The following TRAPPC12 variants were observed in gnomAD, a reference collection of about 807,000 sequenced individuals.
The protein encoded by TRAPPC12 is trafficking protein particle complex subunit 12.
TRAPPC12 carries 61 observed loss-of-function variants against 69.2 expected under a neutral mutation model. The observed-to-expected ratio is 0.88, with a 90% CI of 0.72 to 1.09. The LOEUF is 1.09. TRAPPC12 is among the 50% of genes least tolerant of loss of function. TRAPPC12 has a pLI of 0.00. For synonymous variants in TRAPPC12, 469 were observed against 438.9 expected (o/e 1.07, Z -0.86); for missense variants, 1,101 against 1,016.4 (o/e 1.08, Z -1.13).
intron 4 of TRAPPC12, 103 bp downstream of exon 4, chr2:3,422,097 C>T: frequency 1.2e-6 from 1 of 841,962 alleles, no homozygotes; most frequent in Non-Finnish European, 1.9e-6. Flanking sequence ...AGTATGTTTT[C>T]ATATCCTGCT....
chr2:3,469,099 T>C (rs570753515), intron 9 of TRAPPC12, among the ~76,000 whole-genome samples: 2 of 152,332 alleles, frequency 1.3e-5, no homozygotes, highest in East Asian at 3.9e-4. Context: ...ACTCAGAGTG[T>C]TCAGCCACGG....
At chr2:3,461,960 G>A (rs1362803850) in intron 8 of TRAPPC12, among the ~76,000 whole-genome samples, 2 of 152,228 alleles carry the variant, frequency 1.3e-5, no homozygotes, top group Non-Finnish European at 2.9e-5. Context: ...CCCCCACCTG[G>A]CGGTCTGGGC....
intron 10 of TRAPPC12, 134 bp from the exon 11 acceptor site, chr2:3,478,712 T>TG: frequency 1.5e-6 from 1 of 677,460 alleles, no homozygotes; most frequent in South Asian, 1.8e-5. Flanking sequence ...CGCCTCTACC[T>TG]GGAGATCAGG....
At chr2:3,465,196 G>T (rs1183826159) in intron 8 of TRAPPC12, among the ~76,000 whole-genome samples, 4 of 152,242 alleles carry the variant, frequency 2.6e-5, no homozygotes, top group Non-Finnish European at 4.4e-5. Context: ...TTTGGCCTAT[G>T]TATTTGGAGG....
At chr2:3,466,007 C>G (rs966631595) in intron 9 of TRAPPC12, among the ~76,000 whole-genome samples, 3 of 152,244 alleles carry the variant, frequency 2.0e-5, no homozygotes, top group Non-Finnish European at 4.4e-5. Context: ...CGTGAGGAAT[C>G]TCAGTTCAGC....
intron 5 of TRAPPC12, among the ~76,000 whole-genome samples, chr2:3,427,201 C>T (rs2103066001): frequency 6.6e-6 from 1 of 152,326 alleles, no homozygotes; most frequent in East Asian, 1.9e-4. Flanking sequence ...ATAAATAAAA[C>T]CATCTCTTCC....
At chr2:3,470,081 C>T (rs911870371) in intron 9 of TRAPPC12, among the ~76,000 whole-genome samples, 2 of 152,102 alleles carry the variant, frequency 1.3e-5, no homozygotes, top group Non-Finnish European at 2.9e-5. Flanking sequence ...TGCTGAGTCT[C>T]GGGGAGAAAG....
chr2:3,452,024 A>G (rs1234892005), intron 6 of TRAPPC12, among the ~76,000 whole-genome samples: 1 of 152,006 alleles, frequency 6.6e-6, no homozygotes, highest in African/African-American at 2.4e-5. Context: ...TGACCTTCCT[A>G]TTTCTGTGGG....
intron 1 of TRAPPC12, among the ~76,000 whole-genome samples, chr2:3,380,355 A>G (rs1660150501): frequency 6.6e-6 from 1 of 152,242 alleles, no homozygotes; most frequent in Non-Finnish European, 1.5e-5. Context: ...GTGTAAAAGC[A>G]TTTGAGTCAC....
intron 3 of TRAPPC12, among the ~76,000 whole-genome samples, chr2:3,409,065 G>A (rs1661891566): frequency 6.6e-6 from 1 of 152,184 alleles, no homozygotes. Context: ...CAGCTGTCTT[G>A]CAGCCCAGTC....
At chr2:3,478,784 G>A in intron 10 of TRAPPC12, 62 bp from the exon 11 acceptor site, 2 of 1,459,266 alleles carry the variant, frequency 1.4e-6, no homozygotes, top group Non-Finnish European at 1.9e-6. Context: ...CCTGTGGGTT[G>A]TGTTGGGGGA....
chr2:3,468,529 C>T (rs970205771), intron 9 of TRAPPC12, among the ~76,000 whole-genome samples: 12 of 152,128 alleles, frequency 7.9e-5, no homozygotes, highest in African/African-American at 1.9e-4. Context: ...ATGCCAGGAG[C>T]GCTGTAAGCG....
intron 3 of TRAPPC12, among the ~76,000 whole-genome samples, chr2:3,418,913 ACCCCATCCTCACCTGCTT>A (rs1662605868): frequency 6.6e-6 from 1 of 151,780 alleles, no homozygotes; most frequent in Admixed American, 6.6e-5. Flanking sequence ...CTCCTGTGCC[ACCCCATCCTCACCTGCTT>A]CCCCAGCCTC....
At chr2:3,438,964 A>C (rs975391601) in intron 5 of TRAPPC12, among the ~76,000 whole-genome samples, 1 of 152,116 alleles carries the variant, frequency 6.6e-6, no homozygotes, top group African/African-American at 2.4e-5. Flanking sequence ...GTAAATCTCT[A>C]GGACTGTGAT....
At chr2:3,390,180 G>A (rs1289498035) in intron 2 of TRAPPC12, among the ~76,000 whole-genome samples, 1 of 152,144 alleles carries the variant, frequency 6.6e-6, no homozygotes, top group Non-Finnish European at 1.5e-5. Flanking sequence ...GCCCCTGTCT[G>A]CCTAGGATTT....
intron 3 of TRAPPC12, among the ~76,000 whole-genome samples, chr2:3,412,094 A>G (rs372375515): frequency 6.6e-6 from 1 of 152,224 alleles, no homozygotes; most frequent in Non-Finnish European, 1.5e-5. Context: ...TTGTAGTGCT[A>G]TGAATTTACT....
In TRAPPC12 at chr2:3,414,532, TC is replaced by T. The variant is rs1270802430; in HGVS notation, c.1165-7344del. 1.8e-5 allele frequency among the ~76,000 whole-genome samples: 2 copies of T among 114,054 alleles called. No homozygotes were observed. Among genetic ancestry groups the T allele is most frequent in the Non-Finnish European group, 3.6e-5 (2 of 55,746 alleles). The allele number at this position is 114,054 out of a possible 152,430, so 74.8% of individuals were successfully genotyped here. A position where few individuals can be genotyped will look rare whatever the true frequency, so the allele number is the denominator to read the frequency against. ...CTCCAGCTCAGCCTCACCCCCACCA[TC>T]CCCCTGACCCCATCCCCCAGCTGTC... On this transcript the variant is annotated intron_variant, in intron 3 of 11. Transcript: ENST00000324266. This position sits in a 1 kb window ranked among gnomAD's most constrained non-coding sequence, Gnocchi z 4.9.
At chr2:3,477,168 G>A (rs1313602080) in intron 9 of TRAPPC12, among the ~76,000 whole-genome samples, 3 of 152,202 alleles carry the variant, frequency 2.0e-5, no homozygotes, top group Non-Finnish European at 4.4e-5. Context: ...TCGGGCAGCC[G>A]GTGGGTTTCC....
At chr2:3,390,975 A>C (rs1000336670) in intron 2 of TRAPPC12, among the ~76,000 whole-genome samples, 2 of 152,210 alleles carry the variant, frequency 1.3e-5, no homozygotes, top group African/African-American at 4.8e-5. Flanking sequence ...AAAAAGATAT[A>C]AAACAGAATA....
Sources: allele counts gnomAD v4.1 joint callset (sites outside exome capture counted in the v4.1 genomes callset), GRCh38; gene constraint gnomAD v4.1.1; non-coding constraint Gnocchi (gnomAD v3.1); transcripts MANE v1.5; gene names NCBI Gene and HGNC (gene_info 2026-07-23, HGNC 2026-07-21).